The following TLCD1 variants were observed in gnomAD, a reference collection of about 807,000 sequenced individuals.
The protein encoded by TLCD1 is TLC domain containing 1.
A neutral mutation model predicts 21.2 loss-of-function variants in TLCD1; 21 were observed. That is an observed-to-expected ratio of 0.99 (90% CI 0.70 to 1.42). The LOEUF is 1.42. Among genes scored for constraint, TLCD1 ranks in the 40% most tolerant of loss-of-function variants. The pLI is 0.00. For synonymous variants in TLCD1, 168 were observed against 134.8 expected, an observed-to-expected ratio of 1.25 and a Z score of -1.71; for missense variants, 344 against 330.3, an observed-to-expected ratio of 1.04 and a Z score of -0.32.
chr17:28,725,202 T>G (rs1318224454), intron 3 of TLCD1, 102 bp downstream of exon 3: 5 of 1,332,504 alleles, frequency 3.8e-6, no homozygotes, highest in Non-Finnish European at 3.2e-6. Context: ...AGGTCGGGGG[T>G]GGGTGGTAAG....
chr17:28,726,927 T>G, upstream of TLCD1: 1 of 1,026,328 alleles, frequency 9.7e-7, no homozygotes, highest in Non-Finnish European at 1.5e-6. Context: ...AGACCTCCGA[T>G]TTGCCGGGAC....
At position 28,724,508 on chromosome 17, in the gene TLCD1, CCTCA is replaced by C. The variant is rs749013012; in HGVS notation, c.742_*1del. ...TTTTTGTTGTCCCAGGCTCTGTGCC[CCTCA>C]CTCAGTCAAGAACTTGTCTTTGTGT... On this transcript the variant is annotated stop_lost and 3_prime_UTR_variant, in exon 4 of 4. Coordinates refer to ENST00000292090, the MANE Select transcript of TLCD1 (RefSeq NM_138463.4). The C allele has an allele frequency of 1.3e-5, 21 of 1,612,160 alleles. No individual in the cohort carries two copies. In the Admixed American group the frequency reaches 1.8e-4, roughly 14 times the overall value.
At position 28,724,654 on chromosome 17, in the gene TLCD1, C is replaced by T; in HGVS notation, c.600G>A (p.Gln200=). 2 of 1,614,130 alleles carry T rather than the reference C, an allele frequency of 1.2e-6. No homozygotes were observed. The highest frequency in any genetic ancestry group is 1.7e-6 in the Non-Finnish European group (2 of 1,179,996). The part of the protein sequence containing the change: ...LTHFFLRYVN[Q]RTLGTFLLGI... ...CCAGCAGGAAGGTGCCCAGGGTCCT[C>T]TGGTTCACATAACGCAAGAAGAAAT... Residue 200 remains glutamine (Q), a synonymous_variant, in exon 4 of 4, where the codon CAG becomes CAA. Transcript: ENST00000292090.
At chr17:28,725,863 A>G in intron 1 of TLCD1, 41 bp downstream of exon 1, 3 of 1,596,784 alleles carry the variant, frequency 1.9e-6, no homozygotes, top group Non-Finnish European at 2.6e-6. Flanking sequence ...CTCCCCGCTC[A>G]GGATCCCCTG....
upstream of TLCD1, chr17:28,726,301 C>CCCCG: frequency 6.4e-6 from 7 of 1,085,568 alleles, no homozygotes; most frequent in Non-Finnish European, 6.9e-6. Context: ...CGCGCCCCCG[C>CCCCG]CCCGCCCGCC....
upstream of TLCD1, chr17:28,727,927 TGA>T (rs2034256523): frequency 6.6e-6 from 1 of 152,236 alleles, no homozygotes; most frequent in African/African-American, 2.4e-5. Context: ...GGCCGAATAC[TGA>T]GTTTTTCTAG....
chr17:28,725,781 G>A, intron 1 of TLCD1, 123 bp downstream of exon 1: 15 of 1,336,188 alleles, frequency 1.1e-5, no homozygotes, highest in Non-Finnish European at 1.4e-5. Context: ...ATACCAAACG[G>A]GATCAGGTGA....
rs2034172741 is a variant in TLCD1, at chr17:28,724,369, G to C, written c.*141C>G. 1.9e-5 allele frequency: 20 copies of C among 1,070,668 alleles called. No individual in the cohort carries two copies. The highest frequency in any genetic ancestry group is 2.7e-5 in the Non-Finnish European group (20 of 739,906). The allele number at this position is 1,070,668 out of a possible 1,614,324, so 66.3% of individuals were successfully genotyped here. A position where few individuals can be genotyped will look rare whatever the true frequency, so the allele number is the denominator to read the frequency against. Reference sequence around the variant, plus strand: ...GGACTTCAGAGGAGTACTTTCATTAGTGTTTTCAATAGTGTGGGCGCAGGC... The same window carrying C: ...GGACTTCAGAGGAGTACTTTCATTACTGTTTTCAATAGTGTGGGCGCAGGC... On this transcript the variant is annotated 3_prime_UTR_variant, in exon 4 of 4. Coordinates refer to ENST00000292090, the MANE Select transcript of TLCD1 (RefSeq NM_138463.4).
Position 28,726,233 on chromosome 17 carries a change from G to C in TLCD1, c.-136C>G, listed in dbSNP as rs2034226113. 1 of 1,310,850 alleles carries C rather than the reference G, an allele frequency of 7.6e-7. No individual in the cohort carries two copies. The highest frequency in any genetic ancestry group is 9.7e-7 in the Non-Finnish European group (1 of 1,034,806). The allele number at this position is 1,310,850 out of a possible 1,614,324, so 81.2% of individuals were successfully genotyped here. A position where few individuals can be genotyped will look rare whatever the true frequency, so the allele number is the denominator to read the frequency against. On this transcript the variant is annotated 5_prime_UTR_variant, in exon 1 of 4. Transcript: ENST00000292090. ...CCCACACAGTTGGCGAAGCCCTCTAGGCCCCTTGGCTCCTCCTCGCCCTCC... is the reference window on the plus strand; with the variant it reads ...CCCACACAGTTGGCGAAGCCCTCTACGCCCCTTGGCTCCTCCTCGCCCTCC...
rs2034172332 is a variant in TLCD1 at position 28,724,352 on chromosome 17, G to C, written c.*158C>G. 1.0e-6 allele frequency: 1 copy of C among 963,348 alleles called. No homozygotes were observed. Among genetic ancestry groups the C allele is most frequent in the Non-Finnish European group, 1.6e-6 (1 of 643,332 alleles). 59.7% of individuals were successfully genotyped at this position (963,348 alleles called of 1,614,324 possible). On this transcript the variant is annotated 3_prime_UTR_variant, in exon 4 of 4. Transcript: ENST00000292090. The stretch of plus-strand genomic sequence containing the variant: ...TGCCCAATAAAGGACAAGGACTTCA[G>C]AGGAGTACTTTCATTAGTGTTTTCA...
chr17:28,726,374 C>A (rs2034231447), upstream of TLCD1, among the ~76,000 whole-genome samples: 1 of 149,374 alleles, frequency 6.7e-6, no homozygotes, highest in Admixed American at 6.6e-5. Flanking sequence ...GCCGGGTGTC[C>A]CCGTGGCCTC....
rs760716410 is a variant in TLCD1 at position 28,724,472 on chromosome 17, G to A, written c.*38C>T. The stretch of plus-strand genomic sequence containing the variant: ...CCAGTGTCCATATGAAGCTGTTTCT[G>A]GCCTTGTCCGTTTTTGTTGTCCCAG... On this transcript the variant is annotated 3_prime_UTR_variant, in exon 4 of 4. Coordinates refer to ENST00000292090, the MANE Select transcript of TLCD1 (RefSeq NM_138463.4). The A allele has an allele frequency of 6.3e-6, 10 of 1,596,074 alleles. No homozygotes were observed. The East Asian group carries it at 2.0e-4, about 32-fold the overall frequency.
Position 28,724,594 on chromosome 17 carries a change from G to C in TLCD1, c.660C>G (p.Ile220Met), listed in dbSNP as rs745695962. The C allele has an allele frequency of 1.9e-5, 30 of 1,614,068 alleles. No homozygotes were observed. Among genetic ancestry groups the C allele is most frequent in the Non-Finnish European group, 1.4e-5 (16 of 1,180,048 alleles). ...ILLMLDVMII[I>M]YFSRLLRSDF... ...CAGAGCGGAGGAGGCGGGAAAAGTA[G>C]ATTATGATCATCACGTCCAGCATGA... The change falls in exon 4 of 4, where the codon ATC becomes ATG. Residue 220 changes from isoleucine (I) to methionine (M), a missense_variant. Physicochemically the swap from Ile to Met is conservative, Grantham distance 10 (BLOSUM62 1). Coordinates refer to ENST00000292090, the MANE Select transcript of TLCD1 (RefSeq NM_138463.4).
chr17:28,725,828 G>C, intron 1 of TLCD1, 76 bp downstream of exon 1: 1 of 1,529,566 alleles, frequency 6.5e-7, no homozygotes, highest in Non-Finnish European at 8.8e-7. Context: ...AGCGATGGGG[G>C]TAGTAACACA....
chr17:28,726,751 T>G (rs1172801457), upstream of TLCD1: 2 of 1,548,986 alleles, frequency 1.3e-6, no homozygotes, highest in Non-Finnish European at 8.7e-7. Context: ...GAGTCCCGTG[T>G]TTACCTGTCC....
chr17:28,727,146 G>T, upstream of TLCD1: 1 of 356,906 alleles, frequency 2.8e-6, no homozygotes, highest in Non-Finnish European at 5.3e-6. Context: ...AGATGAGAGC[G>T]GGGAGGGAGA....
Position 28,726,003 on chromosome 17 carries a change from G to C in TLCD1, c.95C>G (p.Pro32Arg). The C allele has an allele frequency of 6.2e-7, 1 of 1,608,386 alleles. No individual in the cohort carries two copies. Among genetic ancestry groups the C allele is most frequent in the Non-Finnish European group, 8.5e-7 (1 of 1,178,332 alleles). Residue 32 changes from proline to arginine, a missense_variant, in exon 1 of 4, where the codon CCC becomes CGC. Transcript: ENST00000292090. ...CAGGGGGTCGGCGCGCACGTGCACG[G>C]GTAGGGGCAGGCGACAGAGCGCGCG... is the stretch of plus-strand genomic sequence containing the variant. ...LRRALCRLPL[P>R]VHVRADPLRT... is the part of the protein sequence containing the mutation.
chr17:28,724,741 G>C lies in TLCD1; in HGVS notation c.513C>G (p.Asn171Lys). 6.2e-7 allele frequency: 1 copy of C among 1,614,158 alleles called. No homozygotes were observed. The highest frequency in any genetic ancestry group is 8.5e-7 in the Non-Finnish European group (1 of 1,180,032). ...NAQDHLLYRV[N>K]KYVNLVMYFL... ...AGTACATGACCAGGTTCACATACTT[G>C]TTAACCCGGTAGAGGAGATGATCCT... The change falls in exon 4 of 4, where the codon AAC becomes AAG. Residue 171 changes from asparagine (N) to lysine (K), a missense_variant. Coordinates refer to ENST00000292090, the MANE Select transcript of TLCD1 (RefSeq NM_138463.4).
upstream of TLCD1, chr17:28,726,659 G>T: frequency 8.3e-7 from 1 of 1,201,410 alleles, no homozygotes; most frequent in Non-Finnish European, 1.2e-6. Context: ...TGGTCCTGGG[G>T]TGGGCTCCGG....
Sources: gnomAD v4.1 joint callset for allele counts (sites outside exome capture counted in the v4.1 genomes callset) on GRCh38, gnomAD v4.1.1 for gene constraint, MANE v1.5 for transcripts, NCBI Gene and HGNC (gene_info 2026-07-23, HGNC 2026-07-21) for gene names.